The following NELL1 variants were observed in gnomAD, a reference collection of about 807,000 sequenced individuals.
NELL1 encodes protein kinase C-binding protein NELL1.
In NELL1, 76 loss-of-function variants were observed where a neutral mutation model predicts 107.4. That is an observed-to-expected ratio of 0.71 (90% CI 0.59 to 0.86). NELL1 has a LOEUF of 0.86. NELL1 is among the 40% of genes least tolerant of loss of function. NELL1 has a pLI of 0.00. For missense variants in NELL1, 1,024 were observed against 1,005.5 expected, an observed-to-expected ratio of 1.02 and a Z score of -0.25; for synonymous variants, 353 against 341.2, an observed-to-expected ratio of 1.03 and a Z score of -0.38.
chr11:21,558,560 C>A (rs1856775715), intron 16 of NELL1, among the ~76,000 whole-genome samples: 1 of 151,806 alleles, frequency 6.6e-6, no homozygotes, highest in Non-Finnish European at 1.5e-5. Context: ...GTATTCACTG[C>A]TTTTGAATGA....
At chr11:21,235,123 A>G (rs1187719086) in intron 14 of NELL1, among the ~76,000 whole-genome samples, 1 of 152,200 alleles carries the variant, frequency 6.6e-6, no homozygotes, top group Admixed American at 6.5e-5. Flanking sequence ...GGAAGAATTC[A>G]GGAAGGTGCC....
intron 17 of NELL1, among the ~76,000 whole-genome samples, chr11:21,565,568 G>A (rs1856951863): frequency 6.6e-6 from 1 of 151,888 alleles, no homozygotes; most frequent in African/African-American, 2.4e-5. Flanking sequence ...CTGCTGGTTT[G>A]AGGACTGCCA....
intron 12 of NELL1, among the ~76,000 whole-genome samples, chr11:21,047,392 AT>A (rs1853382426): frequency 6.6e-6 from 1 of 152,086 alleles, no homozygotes; most frequent in South Asian, 2.1e-4. Context: ...TTGGTGTCAA[AT>A]TTTACCACAT....
intron 9 of NELL1, among the ~76,000 whole-genome samples, chr11:20,932,881 A>AG (rs1201417960): frequency 6.6e-6 from 1 of 152,230 alleles, no homozygotes; most frequent in Non-Finnish European, 1.5e-5. Flanking sequence ...CACACAGAGA[A>AG]GGGAGTGATT....
At chr11:21,200,145 C>T (rs1857236143) in intron 13 of NELL1, among the ~76,000 whole-genome samples, 1 of 152,232 alleles carries the variant, frequency 6.6e-6, no homozygotes, top group African/African-American at 2.4e-5. Flanking sequence ...ATTTACAGTC[C>T]TTTGGGTATA....
chr11:21,309,264 A>G (rs1405292127), intron 14 of NELL1, among the ~76,000 whole-genome samples: 42 of 33,250 alleles, frequency 1.3e-3, no homozygotes, highest in Admixed American at 4.8e-3. Context: ...ATATATGTAT[A>G]TATATATATA....
At chr11:20,824,438 CA>C (rs1564924012) in intron 3 of NELL1, among the ~76,000 whole-genome samples, 1 of 151,100 alleles carries the variant, frequency 6.6e-6, no homozygotes, top group Admixed American at 6.7e-5. Context: ...GAGTAACAGG[CA>C]GGGGTTGGAA....
intron 14 of NELL1, among the ~76,000 whole-genome samples, chr11:21,239,676 T>C (rs925872144): frequency 6.6e-6 from 1 of 152,016 alleles, no homozygotes; most frequent in Non-Finnish European, 1.5e-5. Flanking sequence ...GTATCATTAC[T>C]TTTTTCTCCA....
intron 12 of NELL1, among the ~76,000 whole-genome samples, chr11:21,105,318 A>G (rs950921880): frequency 2.0e-5 from 3 of 152,198 alleles, no homozygotes; most frequent in African/African-American, 7.2e-5. Context: ...GGCAAAGTGC[A>G]CAGTGTTTTA....
At chr11:21,428,284 A>G (rs1852881571) in intron 15 of NELL1, among the ~76,000 whole-genome samples, 1 of 152,204 alleles carries the variant, frequency 6.6e-6, no homozygotes, top group African/African-American at 2.4e-5. Context: ...CTTAAGCAGA[A>G]TAAGCAGAGT....
intron 15 of NELL1, among the ~76,000 whole-genome samples, chr11:21,473,765 G>A (rs1036929793): frequency 9.2e-5 from 14 of 151,976 alleles, no homozygotes; most frequent in Admixed American, 3.3e-4. Context: ...TAAGGCTTAC[G>A]TGGGACACCC....
intron 5 of NELL1, among the ~76,000 whole-genome samples, chr11:20,889,747 G>A (rs944846847): frequency 2.6e-5 from 4 of 152,154 alleles, no homozygotes; most frequent in Admixed American, 6.5e-5. Flanking sequence ...AGTGCGGTGC[G>A]ACGGCCCATC....
chr11:21,551,541 C>T (rs528974204), intron 16 of NELL1, among the ~76,000 whole-genome samples: 1 of 151,752 alleles, frequency 6.6e-6, no homozygotes, highest in Non-Finnish European at 1.5e-5. Context: ...AAAAAATGCT[C>T]ACCATCACTG....
chr11:21,338,698 C>CTT (rs5790175), intron 14 of NELL1, among the ~76,000 whole-genome samples: 27 of 150,974 alleles, frequency 1.8e-4, no homozygotes, highest in Middle Eastern at 3.4e-3. Flanking sequence ...CAAACATTTC[C>CTT]TTTTTTTTTG....
intron 14 of NELL1, among the ~76,000 whole-genome samples, chr11:21,347,582 A>G (rs1271026552): frequency 6.6e-6 from 1 of 152,236 alleles, no homozygotes; most frequent in African/African-American, 2.4e-5. Context: ...AGGCTGGGCA[A>G]CAAGAGCAAA....
chr11:21,523,645 C>G (rs1248961966), intron 15 of NELL1, among the ~76,000 whole-genome samples: 2 of 152,134 alleles, frequency 1.3e-5, no homozygotes, highest in African/African-American at 4.8e-5. Context: ...GCTATCTCCT[C>G]TCCAATACTC....
chr11:20,724,864 T>C (rs551324194), intron 2 of NELL1, among the ~76,000 whole-genome samples: 2 of 152,310 alleles, frequency 1.3e-5, no homozygotes, highest in African/African-American at 4.8e-5. Flanking sequence ...TACCTGACAC[T>C]GGGTAATTTA....
chr11:21,295,546 T>A (rs1347416419), intron 14 of NELL1, among the ~76,000 whole-genome samples: 1 of 152,058 alleles, frequency 6.6e-6, no homozygotes, highest in Non-Finnish European at 1.5e-5. Context: ...ATTTTGCAAG[T>A]AAGAAGAGGA....
At chr11:21,445,106 ATATCT>A (rs1471395812) in intron 15 of NELL1, among the ~76,000 whole-genome samples, 2 of 152,104 alleles carry the variant, frequency 1.3e-5, no homozygotes, top group African/African-American at 4.8e-5. Context: ...GTTTGTATTC[ATATCT>A]TATTGTACTG....
Sources: allele counts gnomAD v4.1 joint callset (sites outside exome capture counted in the v4.1 genomes callset), GRCh38; gene constraint gnomAD v4.1.1; transcripts MANE v1.5; gene names NCBI Gene and HGNC (gene_info 2026-07-23, HGNC 2026-07-21).